KCNH6: variants seen among roughly 807,000 people sequenced by gnomAD.
KCNH6 encodes voltage-gated inwardly rectifying potassium channel KCNH6.
Under a neutral mutation model 83.4 loss-of-function variants are expected in KCNH6, and 81 were observed. The observed-to-expected ratio is 0.97, with a 90% CI of 0.81 to 1.17. KCNH6 has a LOEUF of 1.17. Among genes scored for constraint, KCNH6 ranks in the 50% most tolerant of loss-of-function variants. The probability of loss-of-function intolerance (pLI) is 0.00; values close to 1 mark genes in which losing one functional copy is unlikely to be tolerated. For synonymous variants in KCNH6, 503 were observed against 545.6 expected (o/e 0.92, Z 1.09); for missense variants, 1,203 against 1,290.5 (o/e 0.93, Z 1.04).
At chr17:63,541,879 A>G (rs2032881831) in intron 8 of KCNH6, among the ~76,000 whole-genome samples, 1 of 152,170 alleles carries the variant, frequency 6.6e-6, no homozygotes, top group Non-Finnish European at 1.5e-5. Flanking sequence ...TGGCAGGCCA[A>G]GCAGCAGGAA....
chr17:63,541,715 A>G (rs1337044365), intron 8 of KCNH6, among the ~76,000 whole-genome samples: 2 of 152,142 alleles, frequency 1.3e-5, no homozygotes, highest in African/African-American at 2.4e-5. Context: ...TGGGGTCTAG[A>G]CAGGGGGAGT....
Position 63,543,649 on chromosome 17 carries a change from A to T in KCNH6, c.2222A>T (p.Asp741Val), listed in dbSNP as rs769295586. The change falls in exon 10 of 13, where the codon GAC becomes GTC. Residue 741 changes from aspartate to valine, a missense_variant. Coordinates refer to ENST00000314672, the MANE Select transcript of KCNH6 (RefSeq NM_001278919.2). ...SQDHQGFFLS[D>V]NQSDAAPPLS... ...GACCACCAAGGTTTCTTTCTCAGTG[A>T]CAACCAGTCAGGTGAGCAAAGCCAG... 2.5e-6 allele frequency: 4 copies of T among 1,611,340 alleles called. No homozygotes were observed. Among genetic ancestry groups the T allele is most frequent in the Non-Finnish European group, 2.5e-6 (3 of 1,178,248 alleles).
rs951215995 is a variant in KCNH6, at chr17:63,535,394, C to T, written c.1102-275C>T. ...CTCCTCTCTCCAGGCTCAGCTCATG[C>T]GTCACCTCATCCATGAAGCCTCCCC... is the stretch of plus-strand genomic sequence containing the variant. On this transcript the variant is annotated intron_variant, in intron 5 of 12. Transcript: ENST00000314672. This position sits in a 1 kb window ranked among gnomAD's most constrained non-coding sequence, Gnocchi z 4.9. Among the ~76,000 whole-genome samples, 5 of 152,180 alleles carry T rather than the reference C, an allele frequency of 3.3e-5. No homozygotes were observed. The highest frequency in any genetic ancestry group is 4.1e-4 in the South Asian group (2 of 4,836).
At chr17:63,546,850 G>A (rs2033158768), downstream of KCNH6, 1 of 152,258 alleles carries the variant, frequency 6.6e-6, no homozygotes, top group African/African-American at 2.4e-5. Flanking sequence ...GGGACCTGAA[G>A]GTGGTTCTGC....
At chr17:63,542,620 T>C (rs1302362956) in intron 9 of KCNH6, among the ~76,000 whole-genome samples, 186 bp downstream of exon 9, 2 of 152,242 alleles carry the variant, frequency 1.3e-5, no homozygotes, top group African/African-American at 2.4e-5. Context: ...TATTAAGCAG[T>C]AGGGTGCTAA....
At position 63,523,549 on chromosome 17, in the gene KCNH6, G is replaced by T; in HGVS notation, c.76+60G>T. On this transcript the variant is annotated intron_variant, in intron 1 of 12. Transcript: ENST00000314672. The surrounding 1 kb of genome is among the most constrained non-coding windows in gnomAD (Gnocchi z 4.2). The stretch of plus-strand genomic sequence containing the variant: ...TGGAGTCCTGGTTCCGTGAAAGGGG[G>T]GGCTGGACCCCTTTACTAACTTCTA... 1 of 1,460,154 alleles carries T rather than the reference G, an allele frequency of 6.8e-7. No individual in the cohort carries two copies. Among genetic ancestry groups the T allele is most frequent in the Non-Finnish European group, 9.4e-7 (1 of 1,062,230 alleles). The allele number at this position is 1,460,154 out of a possible 1,614,324, so 90.4% of individuals were successfully genotyped here.
In KCNH6 at chr17:63,532,908, CACTA is replaced by C. The variant is rs1482695914; in HGVS notation, c.676-973_676-970del. ...CATCTCCATGAGAATAGATGGATCT[CACTA>C]ACTACATGAGAAGAGATGCATCTCA... On this transcript the variant is annotated intron_variant, in intron 4 of 12. Coordinates refer to ENST00000314672, the MANE Select transcript of KCNH6 (RefSeq NM_001278919.2). 2.0e-5 allele frequency among the ~76,000 whole-genome samples: 3 copies of C among 152,320 alleles called. No homozygotes were observed. The East Asian group carries it at 5.8e-4, about 29-fold the overall frequency.
chr17:63,543,614 T>G lies in KCNH6; in HGVS notation c.2187T>G (p.Pro729=), dbSNP rs1195501985. The G allele has an allele frequency of 6.2e-7, 1 of 1,613,188 alleles. No individual in the cohort carries two copies. The highest frequency in any genetic ancestry group is 1.3e-5 in the African/African-American group (1 of 74,860). The change falls in exon 10 of 13, where the codon CCT becomes CCG. Residue 729 remains proline, a synonymous_variant. Transcript: ENST00000314672. ...GGLHSSPRQA[P]GSQDHQGFFL... ...TCCACTCATCCCCCCGACAGGCTCCTGGCAGCCAAGACCACCAAGGTTTCT... is the reference window on the plus strand; with the variant it reads ...TCCACTCATCCCCCCGACAGGCTCCGGGCAGCCAAGACCACCAAGGTTTCT...
intron 4 of KCNH6, among the ~76,000 whole-genome samples, chr17:63,532,718 T>A (rs546225132): frequency 5.9e-5 from 9 of 152,302 alleles, no homozygotes; most frequent in African/African-American, 1.9e-4. Flanking sequence ...GGTCAAACCT[T>A]ACATTGCAAA....
chr17:63,539,213 C>T (rs1259775447), intron 8 of KCNH6, among the ~76,000 whole-genome samples: 3 of 152,178 alleles, frequency 2.0e-5, no homozygotes, highest in Non-Finnish European at 1.5e-5. Flanking sequence ...TCTTGATTCT[C>T]ATCTTCCTTG....
At chr17:63,548,251 GC>G (rs1228167190), downstream of KCNH6, among the ~76,000 whole-genome samples, 1 of 152,042 alleles carries the variant, frequency 6.6e-6, no homozygotes, top group African/African-American at 2.4e-5. Flanking sequence ...GGGCAACAGA[GC>G]AAGACTCCGT....
At chr17:63,543,934 C>A in intron 10 of KCNH6, 2 of 804,118 alleles carry the variant, frequency 2.5e-6, no homozygotes, top group Non-Finnish European at 3.9e-6. Flanking sequence ...TGAGGTTCCA[C>A]ACCAAGGCAT....
rs201163172 is a variant in KCNH6 at position 63,523,411 on chromosome 17, A to G, written c.-3A>G. 1.1e-5 allele frequency: 18 copies of G among 1,590,926 alleles called. No homozygotes were observed. The highest frequency in any genetic ancestry group is 5.2e-5 in the Admixed American group (3 of 58,164). On this transcript the variant is annotated 5_prime_UTR_variant, in exon 1 of 13. Transcript: ENST00000314672. This position sits in a 1 kb window ranked among gnomAD's most constrained non-coding sequence, Gnocchi z 4.2. ...GGCTCCGGGCAGGGGCCGCGGCCGA[A>G]AGATGCCGGTCCGCAGGGGCCACGT...
chr17:63,529,993 C>G, intron 2 of KCNH6, 98 bp from the exon 3 acceptor site: 3 of 1,329,622 alleles, frequency 2.3e-6, no homozygotes, highest in Non-Finnish European at 3.1e-6. Context: ...CCGTGGCTGC[C>G]CTTCACTTGA....
intron 8 of KCNH6, among the ~76,000 whole-genome samples, chr17:63,539,627 C>T (rs1218409106): frequency 1.3e-5 from 2 of 152,236 alleles, no homozygotes; most frequent in South Asian, 2.1e-4. Flanking sequence ...CTATTGCCCA[C>T]GCCACAGTCT....
At chr17:63,541,261 C>CATGGACCT (rs1398257348) in intron 8 of KCNH6, among the ~76,000 whole-genome samples, 3 of 150,680 alleles carry the variant, frequency 2.0e-5, no homozygotes, top group South Asian at 2.1e-4. Flanking sequence ...CCTTGCCTTG[C>CATGGACCT]ATGGACCTAG....
At chr17:63,543,091 G>A (rs2032954188) in intron 9 of KCNH6, among the ~76,000 whole-genome samples, 1 of 152,246 alleles carries the variant, frequency 6.6e-6, no homozygotes, top group Non-Finnish European at 1.5e-5. Context: ...GAAACTAATG[G>A]GAAGAAGGGA....
chr17:63,544,456 C>A, intron 11 of KCNH6, 45 bp downstream of exon 11: 1 of 1,447,032 alleles, frequency 6.9e-7, no homozygotes. Flanking sequence ...ATGGGTAGCC[C>A]CTCCTAGTGG....
At position 63,536,138 on chromosome 17, in the gene KCNH6, T is replaced by C. The variant is rs545140605; in HGVS notation, c.1501+70T>C. 222 of 1,360,302 alleles carry C rather than the reference T, an allele frequency of 1.6e-4. 1 individual carries two copies. The South Asian group carries it at 2.6e-3, about 16-fold the overall frequency. The allele number at this position is 1,360,302 out of a possible 1,614,324, so 84.3% of individuals were successfully genotyped here. A position where few individuals can be genotyped will look rare whatever the true frequency, so the allele number is the denominator to read the frequency against. On this transcript the variant is annotated intron_variant, in intron 6 of 12. Transcript: ENST00000314672. ...TACCCGTGAAATTTTATGTGTAGTT[T>C]TGTACTGAGATAGAACATAACACAT... is the stretch of plus-strand genomic sequence containing the variant.
Sources: allele counts gnomAD v4.1 joint callset (sites outside exome capture counted in the v4.1 genomes callset), GRCh38; gene constraint gnomAD v4.1.1; non-coding constraint Gnocchi (gnomAD v3.1); transcripts MANE v1.5; gene names NCBI Gene and HGNC (gene_info 2026-07-23, HGNC 2026-07-21).